LINGO2: variants seen among roughly 807,000 people sequenced by gnomAD.
The protein encoded by LINGO2 is leucine-rich repeat and immunoglobulin-like domain-containing nogo receptor-interacting protein 2.
LINGO2 carries 14 observed loss-of-function variants against 30.6 expected under a neutral mutation model. That is an observed-to-expected ratio of 0.46 (90% confidence interval 0.30 to 0.72). The LOEUF is 0.72. Ranked by LOEUF, LINGO2 falls within the 30% of genes least tolerant of loss-of-function variation. LINGO2 has a pLI of 0.07. For missense variants in LINGO2, 729 were observed against 751.7 expected (o/e 0.97, Z 0.35); for synonymous variants, 317 against 288.5 (o/e 1.10, Z -1.00).
chr9:28,535,692 G>A (rs1821408301), intron 1 of LINGO2, among the ~76,000 whole-genome samples: 1 of 150,836 alleles, frequency 6.6e-6, no homozygotes, highest in Non-Finnish European at 1.5e-5. Context: ...CACCACATGA[G>A]TACGTGCATG....
chr9:28,460,913 T>G (rs1432371643), intron 2 of LINGO2, among the ~76,000 whole-genome samples: 1 of 152,118 alleles, frequency 6.6e-6, no homozygotes, highest in Non-Finnish European at 1.5e-5. Context: ...GTCTAGAAAC[T>G]GTTGTATCAT....
intron 4 of LINGO2, among the ~76,000 whole-genome samples, chr9:28,072,738 T>C (rs1320960692): frequency 3.3e-5 from 5 of 152,092 alleles, no homozygotes; most frequent in Admixed American, 2.0e-4. Flanking sequence ...CAGTGTAAAA[T>C]ACCCCAGAGT....
chr9:28,585,720 C>T (rs1241815697), intron 1 of LINGO2, among the ~76,000 whole-genome samples: 1 of 151,942 alleles, frequency 6.6e-6, no homozygotes, highest in Non-Finnish European at 1.5e-5. Context: ...GAATTAACCT[C>T]GTCGTAAGTT....
chr9:27,987,026 T>C (rs1277248797), intron 5 of LINGO2, among the ~76,000 whole-genome samples: 1 of 151,646 alleles, frequency 6.6e-6, no homozygotes, highest in Non-Finnish European at 1.5e-5. Context: ...ATCTCACTTA[T>C]GGTCGACTTT....
At chr9:28,099,676 AATATG>A (rs1826352836) in intron 4 of LINGO2, among the ~76,000 whole-genome samples, 1 of 152,196 alleles carries the variant, frequency 6.6e-6, no homozygotes, top group Admixed American at 6.6e-5. Flanking sequence ...TTAAAAGGCA[AATATG>A]ATAATATTAG....
At chr9:28,391,285 G>A (rs1821819245) in intron 2 of LINGO2, among the ~76,000 whole-genome samples, 1 of 152,064 alleles carries the variant, frequency 6.6e-6, no homozygotes, top group South Asian at 2.1e-4. Flanking sequence ...CCTTTACATA[G>A]GCCCAGTTTT....
the LINGO2 span, among the ~76,000 whole-genome samples, chr9:28,796,019 A>G: frequency 9.2e-6 from 1 of 109,140 alleles, no homozygotes; most frequent in Admixed American, 8.7e-5. Flanking sequence ...CACACACACA[A>G]TTCAGGAAAA....
intron 2 of LINGO2, among the ~76,000 whole-genome samples, chr9:28,464,946 A>T (rs1424311503): frequency 3.9e-5 from 6 of 152,230 alleles, no homozygotes; most frequent in Non-Finnish European, 5.9e-5. Flanking sequence ...GCAGTGCTCA[A>T]AACCCTTGTG....
intron 1 of LINGO2, among the ~76,000 whole-genome samples, chr9:28,497,046 T>C (rs1490686701): frequency 2.0e-5 from 3 of 152,230 alleles, no homozygotes; most frequent in Non-Finnish European, 2.9e-5. Context: ...TCTGCTGGAC[T>C]TCCCTTTGTG....
chr9:28,396,620 C>T (rs889931576), intron 2 of LINGO2, among the ~76,000 whole-genome samples: 2 of 145,046 alleles, frequency 1.4e-5, no homozygotes, highest in African/African-American at 2.6e-5. Context: ...AGGAGAATGG[C>T]GTGAACCCGG....
intron 3 of LINGO2, among the ~76,000 whole-genome samples, chr9:28,311,266 G>A (rs2134255118): frequency 6.6e-6 from 1 of 152,180 alleles, no homozygotes; most frequent in South Asian, 2.1e-4. Context: ...ATGGAGGCAG[G>A]GCGAGATCAC....
At chr9:28,330,588 G>T (rs926657351) in intron 3 of LINGO2, among the ~76,000 whole-genome samples, 1 of 152,052 alleles carries the variant, frequency 6.6e-6, no homozygotes, top group African/African-American at 2.4e-5. Flanking sequence ...TTTAGTAAAA[G>T]AATTATACGA....
chr9:28,943,357 G>A, the LINGO2 span, among the ~76,000 whole-genome samples: 1 of 150,816 alleles, frequency 6.6e-6, no homozygotes, highest in African/African-American at 2.4e-5. Flanking sequence ...GATCCAAGGA[G>A]GTATGCTACA....
the LINGO2 span, among the ~76,000 whole-genome samples, chr9:29,067,300 C>T: frequency 1.5e-3 from 233 of 151,704 alleles, 2 homozygotes; most frequent in East Asian, 0.03. Context: ...AAGCTGAAAC[C>T]GTAGTGATAC....
intron 4 of LINGO2, among the ~76,000 whole-genome samples, chr9:28,258,952 A>C (rs1386780001): frequency 6.6e-6 from 1 of 151,872 alleles, no homozygotes; most frequent in African/African-American, 2.4e-5. Context: ...TCAAGGCAAG[A>C]AAATCATAGG....
At chr9:28,204,065 G>A (rs10757716) in intron 4 of LINGO2, among the ~76,000 whole-genome samples, 1 of 152,008 alleles carries the variant, frequency 6.6e-6, no homozygotes, top group Non-Finnish European at 1.5e-5. Context: ...CAAAGGGCTA[G>A]TGTTGCATGG....
the LINGO2 span, among the ~76,000 whole-genome samples, chr9:28,691,525 T>C: frequency 6.6e-6 from 1 of 152,022 alleles, no homozygotes; most frequent in Non-Finnish European, 1.5e-5. Context: ...TATATCATAA[T>C]CACTGGTAGA....
At chr9:28,476,951 G>T (rs926458922) in intron 1 of LINGO2, among the ~76,000 whole-genome samples, 3 of 152,172 alleles carry the variant, frequency 2.0e-5, no homozygotes, top group Non-Finnish European at 4.4e-5. Flanking sequence ...TTCAGGATTA[G>T]AATATGACAT....
At chr9:28,888,673 G>A in the LINGO2 span, among the ~76,000 whole-genome samples, 30 of 152,144 alleles carry the variant, frequency 2.0e-4, no homozygotes, top group African/African-American at 6.5e-4. Flanking sequence ...TCCCTTGGTG[G>A]GATTCAACAC....
Sources: allele counts gnomAD v4.1 joint callset (sites outside exome capture counted in the v4.1 genomes callset), GRCh38; gene constraint gnomAD v4.1.1; transcripts MANE v1.5; gene names NCBI Gene and HGNC (gene_info 2026-07-23, HGNC 2026-07-21).